Variants in ERBB4 observed in about 807,000 individuals in gnomAD.
ERBB4 encodes erb-b2 receptor tyrosine kinase 4, also known as receptor tyrosine-protein kinase erbB-4.
In ERBB4, 42 loss-of-function variants were observed where a neutral mutation model predicts 158.0. The ratio of observed to expected loss-of-function variants is 0.27; its 90% CI spans 0.21 to 0.34. ERBB4 has a LOEUF of 0.34. Ranked by LOEUF, ERBB4 falls within the 10% of genes least tolerant of loss-of-function variation. ERBB4 has a pLI of 1.00. For missense variants in ERBB4, 1,333 were observed against 1,624.1 expected (o/e 0.82, Z 3.08); for synonymous variants, 583 against 558.7 (o/e 1.04, Z -0.61).
intron 20 of ERBB4, among the ~76,000 whole-genome samples, chr2:211,489,931 T>C (rs1053432918): frequency 1.3e-5 from 2 of 152,014 alleles, no homozygotes; most frequent in Non-Finnish European, 2.9e-5. Context: ...ACTGAGAAAA[T>C]AGAAGCTATC....
chr2:212,468,192 C>T (rs564702453), intron 1 of ERBB4, among the ~76,000 whole-genome samples: 2 of 152,230 alleles, frequency 1.3e-5, no homozygotes, highest in African/African-American at 4.8e-5. Flanking sequence ...GGACTGTGAA[C>T]TTTTGAGTTA....
intron 20 of ERBB4, among the ~76,000 whole-genome samples, chr2:211,516,071 C>T (rs887479540): frequency 6.7e-5 from 10 of 150,070 alleles, no homozygotes; most frequent in East Asian, 2.0e-4. Context: ...CCCGCCACCA[C>T]GCCTAGCTAA....
At chr2:212,031,207 G>C (rs1467444197) in intron 2 of ERBB4, among the ~76,000 whole-genome samples, 2 of 152,106 alleles carry the variant, frequency 1.3e-5, no homozygotes, top group East Asian at 1.9e-4. Flanking sequence ...CAAGATCCCA[G>C]ATTATTGAAT....
At chr2:211,461,765 A>T in intron 20 of ERBB4, among the ~76,000 whole-genome samples, 1 of 152,134 alleles carries the variant, frequency 6.6e-6, no homozygotes, top group Non-Finnish European at 1.5e-5. Context: ...AGAGTTTATT[A>T]AAAACAAAAA....
chr2:211,795,054 C>A (rs1257999699), intron 3 of ERBB4, among the ~76,000 whole-genome samples: 1 of 151,712 alleles, frequency 6.6e-6, no homozygotes, highest in African/African-American at 2.4e-5. Flanking sequence ...CATCTCATAC[C>A]AGATTTAACT....
intron 21 of ERBB4, among the ~76,000 whole-genome samples, chr2:211,430,117 A>ATATT (rs2063718129): frequency 6.6e-6 from 1 of 152,142 alleles, no homozygotes; most frequent in African/African-American, 2.4e-5. Context: ...TTTATAATAT[A>ATATT]TATTTGGATG....
At chr2:212,377,920 T>C (rs2090378757) in intron 1 of ERBB4, among the ~76,000 whole-genome samples, 1 of 151,934 alleles carries the variant, frequency 6.6e-6, no homozygotes, top group Non-Finnish European at 1.5e-5. Context: ...ATATTTTCTT[T>C]CTTTATATCC....
At chr2:211,931,767 TG>T (rs1172006939) in intron 3 of ERBB4, among the ~76,000 whole-genome samples, 1 of 152,056 alleles carries the variant, frequency 6.6e-6, no homozygotes, top group Non-Finnish European at 1.5e-5. Flanking sequence ...CAACCATATC[TG>T]TCAATGAAGA....
chr2:211,768,787 C>T (rs749826723), intron 4 of ERBB4, among the ~76,000 whole-genome samples: 27 of 143,092 alleles, frequency 1.9e-4, no homozygotes, highest in Non-Finnish European at 3.1e-4. Context: ...GCTTGTGATG[C>T]GAGGGTTGCC....
chr2:211,380,812 A>C lies in ERBB4; in HGVS notation c.*2803T>G. ...TAGAAGTCTTGTGTTCTTAGGAGGA[A>C]AGAGACATTCACTAAATACATTTCT... On this transcript the variant is annotated 3_prime_UTR_variant, in exon 28 of 28. Coordinates refer to ENST00000342788, the MANE Select transcript of ERBB4 (RefSeq NM_005235.3). The C allele has an allele frequency of 4.3e-6, 1 of 231,974 alleles. No homozygotes were observed. The highest frequency in any genetic ancestry group is 8.5e-6 in the Non-Finnish European group (1 of 117,282). 14.4% of individuals were successfully genotyped at this position (231,974 alleles called of 1,614,324 possible).
chr2:212,457,902 T>A (rs1688379861), intron 1 of ERBB4, among the ~76,000 whole-genome samples: 1 of 152,028 alleles, frequency 6.6e-6, no homozygotes, highest in South Asian at 2.1e-4. Context: ...CCTAGTAATA[T>A]TTACAAGGAT....
chr2:212,077,170 G>T (rs1251430009), intron 2 of ERBB4, among the ~76,000 whole-genome samples: 1 of 152,000 alleles, frequency 6.6e-6, no homozygotes, highest in African/African-American at 2.4e-5. Context: ...ACAATGGGAA[G>T]ACTTGTTATG....
At chr2:212,407,302 G>C (rs1283187796) in intron 1 of ERBB4, among the ~76,000 whole-genome samples, 1 of 151,896 alleles carries the variant, frequency 6.6e-6, no homozygotes, top group Non-Finnish European at 1.5e-5. Flanking sequence ...AAATAAAATA[G>C]TGGTAACTAA....
chr2:212,040,580 G>A (rs1389230844), intron 2 of ERBB4, among the ~76,000 whole-genome samples: 2 of 151,958 alleles, frequency 1.3e-5, no homozygotes, highest in African/African-American at 2.4e-5. Flanking sequence ...AGAGTAGTAG[G>A]GCATCACTAT....
intron 1 of ERBB4, among the ~76,000 whole-genome samples, chr2:212,180,256 A>T (rs1342687352): frequency 6.6e-6 from 1 of 151,698 alleles, no homozygotes; most frequent in Non-Finnish European, 1.5e-5. Flanking sequence ...TGTGAAGATA[A>T]ACTTCACTAA....
chr2:211,469,213 C>T (rs1028756206), intron 20 of ERBB4, among the ~76,000 whole-genome samples: 23 of 152,098 alleles, frequency 1.5e-4, no homozygotes, highest in African/African-American at 5.3e-4. Context: ...AGGGGCAACA[C>T]GAAAAGACTG....
intron 1 of ERBB4, among the ~76,000 whole-genome samples, chr2:212,166,570 G>C (rs1261241160): frequency 1.1e-5 from 1 of 92,468 alleles, no homozygotes. Flanking sequence ...ATTCTTCACA[G>C]AATTAGAAAA....
At chr2:211,961,529 A>T (rs900563789) in intron 2 of ERBB4, among the ~76,000 whole-genome samples, 1 of 152,140 alleles carries the variant, frequency 6.6e-6, no homozygotes, top group Non-Finnish European at 1.5e-5. Flanking sequence ...TTCTTCTAAC[A>T]CAAGTGACAG....
At chr2:212,017,132 G>T (rs2076546892) in intron 2 of ERBB4, among the ~76,000 whole-genome samples, 1 of 152,046 alleles carries the variant, frequency 6.6e-6, no homozygotes, top group Non-Finnish European at 1.5e-5. Context: ...ATCAGGTGTG[G>T]ATTTTGCTGC....
Sources: allele counts gnomAD v4.1 joint callset (sites outside exome capture counted in the v4.1 genomes callset), GRCh38; gene constraint gnomAD v4.1.1; transcripts MANE v1.5; gene names NCBI Gene and HGNC (gene_info 2026-07-23, HGNC 2026-07-21).